The following PTPRN2 variants were observed in gnomAD, a reference collection of about 807,000 sequenced individuals.
The protein encoded by PTPRN2 is protein tyrosine phosphatase receptor type N2.
A neutral mutation model predicts 118.8 loss-of-function variants in PTPRN2; 74 were observed. That is an observed-to-expected ratio of 0.62 (90% CI 0.52 to 0.76). PTPRN2 has a LOEUF of 0.76. PTPRN2 is among the 30% of genes least tolerant of loss of function. The pLI is 0.00. For synonymous variants in PTPRN2, 641 were observed against 608.0 expected (o/e 1.05, Z -0.80); for missense variants, 1,481 against 1,394.4 (o/e 1.06, Z -0.99).
intron 12 of PTPRN2, among the ~76,000 whole-genome samples, chr7:157,890,510 CA>C (rs1260953647): frequency 6.6e-6 from 1 of 152,168 alleles, no homozygotes; most frequent in Non-Finnish European, 1.5e-5. Flanking sequence ...AACATGGTGG[CA>C]GAGGCCTGTA....
At chr7:158,128,579 T>A (rs759766192) in intron 9 of PTPRN2, among the ~76,000 whole-genome samples, 86 of 152,160 alleles carry the variant, frequency 5.7e-4, no homozygotes, top group Non-Finnish European at 1.1e-3. Flanking sequence ...ATGTGATAGG[T>A]CTCCTTCCCC....
chr7:158,112,646 C>T (rs373617808), intron 9 of PTPRN2, among the ~76,000 whole-genome samples: 3 of 152,310 alleles, frequency 2.0e-5, no homozygotes, highest in Middle Eastern at 3.4e-3. Flanking sequence ...ATCCTGCACA[C>T]GTGGACATGG....
chr7:157,711,540 G>C (rs1798620378), intron 12 of PTPRN2, among the ~76,000 whole-genome samples: 1 of 152,208 alleles, frequency 6.6e-6, no homozygotes, highest in African/African-American at 2.4e-5. Flanking sequence ...GCTGTCCTGG[G>C]ACCTGAGGAC....
At chr7:158,043,959 C>T (rs7780157) in intron 11 of PTPRN2, among the ~76,000 whole-genome samples, 1 of 152,060 alleles carries the variant, frequency 6.6e-6, no homozygotes, top group Non-Finnish European at 1.5e-5. Context: ...CCACGTCACT[C>T]GACGTGGCAG....
intron 3 of PTPRN2, among the ~76,000 whole-genome samples, chr7:158,235,745 G>T (rs1315194008): frequency 6.6e-6 from 1 of 152,136 alleles, no homozygotes; most frequent in African/African-American, 2.4e-5. Flanking sequence ...CAGCTTGACT[G>T]TTCCTGGCAC....
chr7:158,250,266 A>AT (rs762660881), intron 3 of PTPRN2, among the ~76,000 whole-genome samples: 5 of 152,128 alleles, frequency 3.3e-5, no homozygotes, highest in Non-Finnish European at 7.4e-5. Context: ...TTAAGCCCTC[A>AT]TTTTTAGGAT....
intron 2 of PTPRN2, among the ~76,000 whole-genome samples, chr7:158,359,416 C>T (rs1187356912): frequency 6.6e-6 from 1 of 152,114 alleles, no homozygotes; most frequent in East Asian, 1.9e-4. Flanking sequence ...AAAGGTGGTC[C>T]TCAGTGCCAC....
chr7:158,366,073 AC>A (rs1809470531), intron 2 of PTPRN2, among the ~76,000 whole-genome samples: 1 of 144,630 alleles, frequency 6.9e-6, no homozygotes. Flanking sequence ...GCACGCGTGC[AC>A]ACACACACGC....
In PTPRN2 at chr7:157,656,386, T is replaced by C. The variant is rs199566763; in HGVS notation, c.2167A>G (p.Met723Val). Residue 723 changes from methionine (M) to valine (V), a missense_variant, in exon 14 of 23, where the codon ATG becomes GTG. Met to Val is a conservative substitution (Grantham distance 21). Around this residue, in one of 3 missense-constraint regions of PTPRN2, gnomAD observed 1,115 missense variants for 994.2 expected, o/e 1.12. Transcript: ENST00000389418. ...ATCATGTGGCCGGTGGAGATGTCCA[T>C]GTTGGACTGCACAGGCTCCTCGGAC... ...SWSEEPVQSN[M>V]DISTGHMILS... 483 of 1,552,314 alleles carry C rather than the reference T, an allele frequency of 3.1e-4. 2 individuals are homozygous for C. The highest frequency in any genetic ancestry group is 4.9e-4 in the Admixed American group (25 of 51,168).
In PTPRN2 at chr7:157,598,699, G is replaced by A. The variant is rs544695588; in HGVS notation, c.2419-3384C>T. 5.9e-5 allele frequency among the ~76,000 whole-genome samples: 9 copies of A among 152,338 alleles called. No homozygotes were observed. The South Asian group carries it at 1.2e-3, about 21-fold the overall frequency. Reference sequence around the variant, plus strand: ...AAACCTGTAAATTTATTAGGTGAACGCCAAGCTGTCAGGCGGTCTGCGGCC... The same window carrying A: ...AAACCTGTAAATTTATTAGGTGAACACCAAGCTGTCAGGCGGTCTGCGGCC... On this transcript the variant is annotated intron_variant, in intron 16 of 22. Transcript: ENST00000389418. This position sits in a 1 kb window ranked among gnomAD's most constrained non-coding sequence, Gnocchi z 5.2.
intron 6 of PTPRN2, among the ~76,000 whole-genome samples, chr7:158,144,567 G>A (rs1041885388): frequency 6.6e-6 from 1 of 152,106 alleles, no homozygotes; most frequent in African/African-American, 2.4e-5. Context: ...TGAACCTTGG[G>A]GGTGGAGGTT....
At position 157,690,340 on chromosome 7, in the gene PTPRN2, A is replaced by C. The variant is rs1797412161; in HGVS notation, c.1789-7403T>G. 6.6e-6 allele frequency among the ~76,000 whole-genome samples: 1 copy of C among 152,080 alleles called. No homozygotes were observed. Among genetic ancestry groups the C allele is most frequent in the Non-Finnish European group, 1.5e-5 (1 of 68,012 alleles). ...GGCGAGGCAGAGACCCCCTGAACTG[A>C]GCTCTCCGACGCCCTAGTTGCCCGT... is the stretch of plus-strand genomic sequence containing the variant. On this transcript the variant is annotated intron_variant, in intron 12 of 22. Transcript: ENST00000389418. This position sits in a 1 kb window ranked among gnomAD's most constrained non-coding sequence, Gnocchi z 7.1.
At position 157,609,998 on chromosome 7, in the gene PTPRN2, A is replaced by C. The variant is rs573627164; in HGVS notation, c.2345-5923T>G. On this transcript the variant is annotated intron_variant, in intron 15 of 22. Transcript: ENST00000389418. The surrounding 1 kb of genome is among the most constrained non-coding windows in gnomAD (Gnocchi z 4.9). ...GAACCTCCCGTGCCCACCCCACTGC[A>C]TCTGAGGAAAGCGTGTGGAAGACTC... is the stretch of plus-strand genomic sequence containing the variant. Among the ~76,000 whole-genome samples, 111 of 152,294 alleles carry C rather than the reference A, an allele frequency of 7.3e-4. 2 individuals are homozygous for C. The highest frequency in any genetic ancestry group is 5.4e-3 in the Admixed American group (82 of 15,300).
In PTPRN2 at chr7:157,553,962, C is replaced by T. The variant is rs143325349; in HGVS notation, c.2903-4943G>A. Among the ~76,000 whole-genome samples, 207 of 133,264 alleles carry T rather than the reference C, an allele frequency of 1.6e-3. 1 individual carries two copies. The highest frequency in any genetic ancestry group is 5.4e-3 in the African/African-American group (192 of 35,828). The allele number at this position is 133,264 out of a possible 152,430, so 87.4% of individuals were successfully genotyped here. ...TCTGGTGCCCTCCTGAGCATGGGTA[C>T]GGCCAGGCCGGGCGCCGGATCCTGC... On this transcript the variant is annotated intron_variant, in intron 21 of 22. Coordinates refer to ENST00000389418, the MANE Select transcript of PTPRN2 (RefSeq NM_002847.5).
intron 12 of PTPRN2, among the ~76,000 whole-genome samples, chr7:157,866,944 C>A (rs113757583): frequency 7.9e-6 from 1 of 126,446 alleles, no homozygotes; most frequent in East Asian, 2.5e-4. Context: ...CCGCCCCCGA[C>A]GCCCTGGATA....
chr7:158,120,349 A>G (rs1436586533), intron 9 of PTPRN2, among the ~76,000 whole-genome samples: 1 of 152,196 alleles, frequency 6.6e-6, no homozygotes, highest in African/African-American at 2.4e-5. Flanking sequence ...TATGTTATCT[A>G]TATGTTAATA....
intron 3 of PTPRN2, among the ~76,000 whole-genome samples, chr7:158,290,564 G>A (rs1003017057): frequency 2.6e-5 from 4 of 152,170 alleles, no homozygotes; most frequent in East Asian, 1.9e-4. Context: ...AGCTATGGGG[G>A]CATGTCTGGT....
At chr7:157,694,022 A>G (rs924170326) in intron 12 of PTPRN2, among the ~76,000 whole-genome samples, 1 of 152,270 alleles carries the variant, frequency 6.6e-6, no homozygotes, top group Non-Finnish European at 1.5e-5. Flanking sequence ...ACCCCAGAGC[A>G]AGGCGGAGCC....
intron 4 of PTPRN2, among the ~76,000 whole-genome samples, chr7:158,200,947 C>T (rs1254425842): frequency 6.6e-6 from 1 of 150,780 alleles, no homozygotes; most frequent in Non-Finnish European, 1.5e-5. Context: ...GAATAAATAG[C>T]GTAAATAAGT....
Sources: allele counts gnomAD v4.1 joint callset (sites outside exome capture counted in the v4.1 genomes callset), GRCh38; gene constraint gnomAD v4.1.1; regional missense constraint gnomAD v4.1.1; non-coding constraint Gnocchi (gnomAD v3.1); transcripts MANE v1.5; gene names NCBI Gene and HGNC (gene_info 2026-07-23, HGNC 2026-07-21).